The following VPS50 variants were observed in gnomAD, a reference collection of about 807,000 sequenced individuals.
VPS50 encodes syndetin.
VPS50 carries 70 observed loss-of-function variants against 139.7 expected under a neutral mutation model. The observed-to-expected ratio is 0.50, with a 90% CI of 0.41 to 0.61. The LOEUF (loss-of-function observed/expected upper bound fraction) is 0.61, where lower values mean the gene tolerates loss of function less well. VPS50 is among the 20% of genes least tolerant of loss of function. VPS50 has a pLI of 0.00. For synonymous variants in VPS50, 365 were observed against 376.7 expected, an observed-to-expected ratio of 0.97 and a Z score of 0.36; for missense variants, 921 against 1,133.7, an observed-to-expected ratio of 0.81 and a Z score of 2.69.
intron 24 of VPS50, among the ~76,000 whole-genome samples, chr7:93,349,567 A>G (rs1210865084): frequency 6.6e-6 from 1 of 152,160 alleles, no homozygotes. Context: ...GACATCATGT[A>G]GTGGGAGTGG....
chr7:93,237,289 A>G (rs1794840445), intron 1 of VPS50, among the ~76,000 whole-genome samples: 1 of 152,144 alleles, frequency 6.6e-6, no homozygotes, highest in Non-Finnish European at 1.5e-5. Context: ...ATGAATGATC[A>G]TAGAATATAA....
chr7:93,244,252 A>G (rs1278569787), intron 2 of VPS50, among the ~76,000 whole-genome samples: 1 of 151,854 alleles, frequency 6.6e-6, no homozygotes, highest in South Asian at 2.1e-4. Flanking sequence ...AAATTCTAGG[A>G]ATTTGAGCAG....
At chr7:93,356,472 A>ATACAAACCTTCTCG (rs1487172939) in intron 27 of VPS50, among the ~76,000 whole-genome samples, 1 of 152,182 alleles carries the variant, frequency 6.6e-6, no homozygotes, top group Non-Finnish European at 1.5e-5. Context: ...AAACCTTCTC[A>ATACAAACCTTCTCG]TACAAACCTT....
intron 21 of VPS50, among the ~76,000 whole-genome samples, chr7:93,327,627 A>G (rs1797820117): frequency 6.6e-6 from 1 of 152,224 alleles, no homozygotes; most frequent in South Asian, 2.1e-4. Context: ...CTATTTAATT[A>G]TACTGAAACA....
chr7:93,343,778 CT>C lies in VPS50; in HGVS notation c.2207+2204del, dbSNP rs1039171932. Among the ~76,000 whole-genome samples the C allele has an allele frequency of 1.2e-3, 181 of 152,048 alleles. 2 individuals are homozygous for C. The highest frequency in any genetic ancestry group is 4.3e-3 in the African/African-American group (178 of 41,522). On this transcript the variant is annotated intron_variant, in intron 23 of 27. Transcript: ENST00000305866. ...AAAATACTTTACAGACAAGCAAATG[CT>C]GAGAGATTTTGTCACCACCAGGCCT... is the stretch of plus-strand genomic sequence containing the variant.
chr7:93,262,538 G>T (rs185162913), intron 9 of VPS50, among the ~76,000 whole-genome samples: 54 of 152,330 alleles, frequency 3.5e-4, no homozygotes, highest in Non-Finnish European at 6.6e-4. Flanking sequence ...GTGATAATAA[G>T]AAGAATTGGT....
chr7:93,308,637 C>G (rs1021134854), intron 18 of VPS50, among the ~76,000 whole-genome samples, 187 bp from the exon 19 acceptor site: 2 of 151,690 alleles, frequency 1.3e-5, no homozygotes, highest in African/African-American at 4.8e-5. Flanking sequence ...TTCTTTTGTG[C>G]TGATTGAGGT....
At chr7:93,351,038 G>A (rs1228866316) in intron 25 of VPS50, among the ~76,000 whole-genome samples, 1 of 152,148 alleles carries the variant, frequency 6.6e-6, no homozygotes, top group Non-Finnish European at 1.5e-5. Flanking sequence ...AAATAGAGAT[G>A]GTAATGGAGT....
rs562116533 is a variant in VPS50, at chr7:93,288,171, G to A, written c.943-3532G>A. Among the ~76,000 whole-genome samples, 8 of 152,180 alleles carry A rather than the reference G, an allele frequency of 5.3e-5. No homozygotes were observed. In the South Asian group the frequency reaches 6.2e-4, roughly 12 times the overall value. On this transcript the variant is annotated intron_variant, in intron 12 of 27. Coordinates refer to ENST00000305866, the MANE Select transcript of VPS50 (RefSeq NM_017667.4). ...AGAACAGTATGGGGAAAACCGCCCC[G>A]CCCTTGACACATGGGGATTATTACA... is the stretch of plus-strand genomic sequence containing the variant.
chr7:93,354,638 A>G (rs182413028), intron 26 of VPS50, among the ~76,000 whole-genome samples: 150 of 152,202 alleles, frequency 9.9e-4, no homozygotes, highest in African/African-American at 3.6e-3. Context: ...CGTAACCCTT[A>G]TATCATCATT....
chr7:93,270,158 G>GA (rs1407835064), intron 9 of VPS50, among the ~76,000 whole-genome samples: 17 of 151,324 alleles, frequency 1.1e-4, no homozygotes, highest in East Asian at 1.9e-4. Context: ...ATTAAAGGGG[G>GA]AAAAATCTAG....
chr7:93,298,757 A>G (rs1426558809), intron 16 of VPS50, among the ~76,000 whole-genome samples: 7 of 152,234 alleles, frequency 4.6e-5, no homozygotes, highest in Non-Finnish European at 1.0e-4. Context: ...AATCTTCCTC[A>G]AACACTCAAC....
rs1015891430 is a variant in VPS50 at position 93,237,199 on chromosome 7, G to A, written c.34-2667G>A. On this transcript the variant is annotated intron_variant, in intron 1 of 27. Coordinates refer to ENST00000305866, the MANE Select transcript of VPS50 (RefSeq NM_017667.4). ...TCTCCATCTCCTGACCTCGTGATCC[G>A]CCCGCCTCGGCCTCCCAAAGTGCTG... 5.3e-4 allele frequency among the ~76,000 whole-genome samples: 80 copies of A among 151,228 alleles called. 1 individual carries two copies. Among genetic ancestry groups the A allele is most frequent in the African/African-American group, 1.9e-3 (77 of 41,190 alleles).
rs779873471 is a variant in VPS50, at chr7:93,297,203, A to G, written c.1321A>G (p.Ile441Val). ...GSKSEVLQES[I>V]RKQSVNYFKN... ...CAAGTCTGAAGTTTTACAGGAATCT[A>G]TTAGAAAACAAAGTGTCAATTATTT... Residue 441 changes from isoleucine (I) to valine (V), a missense_variant, in exon 16 of 28, where the codon ATT (isoleucine) becomes GTT (valine). By Grantham distance (29) the Ile-to-Val change is conservative. This residue lies in a region of VPS50 where 744 missense variants were observed against 930.6 expected (regional missense o/e 0.80). Transcript: ENST00000305866. 9 of 1,563,012 alleles carry G rather than the reference A, an allele frequency of 5.8e-6. No individual in the cohort carries two copies. The highest frequency in any genetic ancestry group is 3.4e-4 in the Middle Eastern group (2 of 5,958).
chr7:93,239,957 G>A (rs376337325), intron 2 of VPS50, 23 bp downstream of exon 2: 26 of 1,435,252 alleles, frequency 1.8e-5, no homozygotes, highest in Non-Finnish European at 2.2e-5. Flanking sequence ...ACGTGTGAGC[G>A]TGACTTTTTA....
chr7:93,256,051 G>C (rs1795474083), intron 4 of VPS50, among the ~76,000 whole-genome samples: 1 of 152,284 alleles, frequency 6.6e-6, no homozygotes, highest in Admixed American at 6.5e-5. Context: ...CAGAAGTGGA[G>C]GACCAAACTA....
At chr7:93,339,360 A>C (rs948216722) in intron 22 of VPS50, among the ~76,000 whole-genome samples, 8 of 151,778 alleles carry the variant, frequency 5.3e-5, no homozygotes, top group African/African-American at 1.9e-4. Flanking sequence ...CTAAAGAATT[A>C]AACCACTTTC....
chr7:93,245,103 A>G (rs1333509498), intron 2 of VPS50, among the ~76,000 whole-genome samples: 1 of 151,840 alleles, frequency 6.6e-6, no homozygotes, highest in Non-Finnish European at 1.5e-5. Context: ...GAGTAGAGGC[A>G]CAACAGAGTT....
At chr7:93,351,435 G>T (rs1489316970) in intron 25 of VPS50, among the ~76,000 whole-genome samples, 1 of 151,554 alleles carries the variant, frequency 6.6e-6, no homozygotes, top group Admixed American at 6.6e-5. Context: ...AGTCCTTTAG[G>T]ATACTACAAC....
Sources: allele counts gnomAD v4.1 joint callset (sites outside exome capture counted in the v4.1 genomes callset), GRCh38; gene constraint gnomAD v4.1.1; regional missense constraint gnomAD v4.1.1; transcripts MANE v1.5; gene names NCBI Gene and HGNC (gene_info 2026-07-23, HGNC 2026-07-21).